The following ELP3 variants were observed in gnomAD, a reference collection of about 807,000 sequenced individuals.
ELP3 encodes elongator acetyltransferase complex subunit 3.
A neutral mutation model predicts 74.9 loss-of-function variants in ELP3; 56 were observed. The observed-to-expected ratio is 0.75, with a 90% confidence interval of 0.60 to 0.93. ELP3 has a LOEUF of 0.93. Among genes scored for constraint, ELP3 ranks in the 40% least tolerant of loss-of-function variants. The pLI is 0.00. For missense variants in ELP3, 573 were observed against 686.5 expected, an observed-to-expected ratio of 0.83 and a Z score of 1.85; for synonymous variants, 222 against 239.8, an observed-to-expected ratio of 0.93 and a Z score of 0.68.
intron 14 of ELP3, among the ~76,000 whole-genome samples, chr8:28,179,501 C>T (rs914665094): frequency 6.6e-6 from 1 of 152,156 alleles, no homozygotes; most frequent in Non-Finnish European, 1.5e-5. Context: ...ACAATTTTTC[C>T]ACAGATAGTA....
At chr8:28,106,871 A>G (rs938006152) in intron 4 of ELP3, 88 bp downstream of exon 4, 1 of 962,792 alleles carries the variant, frequency 1.0e-6, no homozygotes, top group Non-Finnish European at 1.6e-6. Context: ...CATCCTGGTA[A>G]TGTTTAAAAC....
chr8:28,153,734 A>C (rs1813723842), intron 10 of ELP3, among the ~76,000 whole-genome samples: 1 of 152,212 alleles, frequency 6.6e-6, no homozygotes, highest in South Asian at 2.1e-4. Flanking sequence ...TCCATTCTAC[A>C]AAGGAGACTC....
intron 2 of ELP3, among the ~76,000 whole-genome samples, chr8:28,099,293 T>C (rs1440659166): frequency 6.6e-6 from 1 of 152,184 alleles, no homozygotes; most frequent in Admixed American, 6.5e-5. Flanking sequence ...ATTGTTGTTG[T>C]TGTTTTGTCT....
rs997547707 is a variant in ELP3, at chr8:28,189,813, G to A, written c.*88G>A. ...CTTAAATACTCAACAGAGAGGCTGA[G>A]CAGAGCAAATGGGGGGCTTCACCCT... is the stretch of plus-strand genomic sequence containing the variant. On this transcript the variant is annotated 3_prime_UTR_variant, in exon 15 of 15. Transcript: ENST00000256398. 7.0e-7 allele frequency: 1 copy of A among 1,422,200 alleles called. No homozygotes were observed. Among genetic ancestry groups the A allele is most frequent in the East Asian group, 2.3e-5 (1 of 43,666 alleles). 88.1% of individuals were successfully genotyped at this position (1,422,200 alleles called of 1,614,324 possible). A position where few individuals can be genotyped will look rare whatever the true frequency, so the allele number is the denominator to read the frequency against.
rs542403059 is a variant in ELP3 at position 28,100,999 on chromosome 8, G to A, written c.258+1033G>A. Among the ~76,000 whole-genome samples the A allele has an allele frequency of 6.6e-5, 10 of 152,208 alleles. No individual in the cohort carries two copies. The East Asian group carries it at 1.9e-3, about 29-fold the overall frequency. ...TGTTGACTTGGTGACCATATCTCCT[G>A]GATCACCTTACGTTTGTGGCTAATT... On this transcript the variant is annotated intron_variant, in intron 3 of 14. Transcript: ENST00000256398.
At chr8:28,120,524 C>A (rs28826650) in intron 7 of ELP3, among the ~76,000 whole-genome samples, 1 of 152,146 alleles carries the variant, frequency 6.6e-6, no homozygotes, top group Non-Finnish European at 1.5e-5. Context: ...TTAATGATAT[C>A]GTTTAGCCAA....
chr8:28,108,062 A>G lies in ELP3; in HGVS notation c.393+86A>G. On this transcript the variant is annotated intron_variant, in intron 5 of 14. Coordinates refer to ENST00000256398, the MANE Select transcript of ELP3 (RefSeq NM_018091.6). The stretch of plus-strand genomic sequence containing the variant: ...TTTTACCAGTACTGGCTTTCTGACA[A>G]TTTTTTGTTTTTGTTTTTGTTTTTT... The G allele has an allele frequency of 1.6e-6, 2 of 1,217,420 alleles. 1 individual carries two copies. Among genetic ancestry groups the G allele is most frequent in the South Asian group, 2.7e-5 (2 of 72,892 alleles). 75.4% of individuals were successfully genotyped at this position (1,217,420 alleles called of 1,614,324 possible). A position where few individuals can be genotyped will look rare whatever the true frequency, so the allele number is the denominator to read the frequency against.
rs190970215 is a variant in ELP3, at chr8:28,167,804, A to G, written c.1567+5726A>G. Among the ~76,000 whole-genome samples, 5 of 152,330 alleles carry G rather than the reference A, an allele frequency of 3.3e-5. No homozygotes were observed. The East Asian group carries it at 7.7e-4, about 23-fold the overall frequency. ...TTCCTCTGTTCCATTTTGGTATTCT[A>G]ATAAAGATCATATATGTTTCTTTTT... On this transcript the variant is annotated intron_variant, in intron 14 of 14. Transcript: ENST00000256398.
intron 14 of ELP3, among the ~76,000 whole-genome samples, chr8:28,184,363 A>G (rs977854355): frequency 1.3e-5 from 2 of 152,146 alleles, no homozygotes; most frequent in African/African-American, 4.8e-5. Flanking sequence ...AAGAACTTCA[A>G]TATACAGCTT....
chr8:28,184,871 G>A (rs1334952758), intron 14 of ELP3, among the ~76,000 whole-genome samples: 3 of 151,674 alleles, frequency 2.0e-5, no homozygotes, highest in Non-Finnish European at 2.9e-5. Flanking sequence ...TAGAAAGCTC[G>A]AAACTCAGAA....
chr8:28,183,879 C>T (rs1264263285), intron 14 of ELP3, among the ~76,000 whole-genome samples: 1 of 152,252 alleles, frequency 6.6e-6, no homozygotes, highest in Non-Finnish European at 1.5e-5. Context: ...GTGGGCGCCT[C>T]TCCTCTGGCG....
intron 11 of ELP3, among the ~76,000 whole-genome samples, chr8:28,157,289 C>CAAAAAAAAA (rs35938340): frequency 9.4e-6 from 1 of 106,764 alleles, no homozygotes. Flanking sequence ...AAAAGCATGC[C>CAAAAAAAAA]AAAAAAAAAA....
At chr8:28,152,145 G>A (rs554303003) in intron 10 of ELP3, among the ~76,000 whole-genome samples, 62 of 152,200 alleles carry the variant, frequency 4.1e-4, no homozygotes, top group African/African-American at 1.4e-3. Flanking sequence ...CTCCAGCCCC[G>A]GGGCAGTAGT....
chr8:28,146,133 G>A (rs1344863880), intron 10 of ELP3, among the ~76,000 whole-genome samples: 1 of 151,846 alleles, frequency 6.6e-6, no homozygotes, highest in South Asian at 2.1e-4. Context: ...TGACAGTTGA[G>A]TTAGGAACAT....
intron 14 of ELP3, chr8:28,183,172 G>A (rs1000848905): frequency 2.2e-6 from 1 of 456,312 alleles, no homozygotes; most frequent in African/African-American, 2.0e-5. Context: ...AAATAAACAG[G>A]CTTGTTTTCT....
chr8:28,182,270 T>C (rs1325939958), intron 14 of ELP3, among the ~76,000 whole-genome samples: 1 of 152,120 alleles, frequency 6.6e-6, no homozygotes, highest in Non-Finnish European at 1.5e-5. Context: ...AGTAAACATC[T>C]AGGTTTGCGG....
At chr8:28,107,020 A>G (rs1486903770) in intron 4 of ELP3, among the ~76,000 whole-genome samples, 1 of 152,206 alleles carries the variant, frequency 6.6e-6, no homozygotes, top group Non-Finnish European at 1.5e-5. Flanking sequence ...AGGCTGAGGC[A>G]GGTGGATCAC....
intron 5 of ELP3, among the ~76,000 whole-genome samples, chr8:28,108,457 CTTT>C (rs33948469): frequency 1.7e-5 from 2 of 117,568 alleles, no homozygotes; most frequent in Admixed American, 1.0e-4. Flanking sequence ...ATTTTTTTTT[CTTT>C]TTTTTTTTTT....
intron 7 of ELP3, among the ~76,000 whole-genome samples, chr8:28,127,299 C>T (rs1409779767): frequency 6.6e-6 from 1 of 152,132 alleles, no homozygotes; most frequent in Non-Finnish European, 1.5e-5. Flanking sequence ...TGTGCAATTG[C>T]CTCCCCTCTA....
Sources: allele counts gnomAD v4.1 joint callset (sites outside exome capture counted in the v4.1 genomes callset), GRCh38; gene constraint gnomAD v4.1.1; transcripts MANE v1.5; gene names NCBI Gene and HGNC (gene_info 2026-07-23, HGNC 2026-07-21).